Variants in KCNK10 observed in about 807,000 individuals in gnomAD.
KCNK10 encodes potassium two pore domain channel subfamily K member 10, also known as potassium channel subfamily K member 10.
KCNK10 carries 25 observed loss-of-function variants against 47.7 expected under a neutral mutation model. The observed-to-expected ratio is 0.52, with a 90% CI of 0.38 to 0.73. KCNK10 has a LOEUF of 0.73. Among genes scored for constraint, KCNK10 ranks in the 30% least tolerant of loss-of-function variants. KCNK10 has a pLI of 0.00. For synonymous variants in KCNK10, 303 were observed against 285.6 expected, an observed-to-expected ratio of 1.06 and a Z score of -0.61; for missense variants, 563 against 714.5, an observed-to-expected ratio of 0.79 and a Z score of 2.42.
intron 4 of KCNK10, among the ~76,000 whole-genome samples, chr14:88,217,627 T>C (rs952853970): frequency 6.6e-6 from 1 of 152,220 alleles, no homozygotes; most frequent in African/African-American, 2.4e-5. Context: ...TGATCCTAGC[T>C]TACTGCAGTG....
intron 4 of KCNK10, among the ~76,000 whole-genome samples, chr14:88,223,313 T>A (rs1165560523): frequency 1.3e-5 from 2 of 151,930 alleles, no homozygotes; most frequent in African/African-American, 2.4e-5. Context: ...AAAACCTTTT[T>A]TTTTTTTTTT....
At chr14:88,304,646 T>C (rs750954008) in intron 1 of KCNK10, among the ~76,000 whole-genome samples, 2 of 152,216 alleles carry the variant, frequency 1.3e-5, no homozygotes, top group Admixed American at 6.5e-5. Context: ...GCCATGTTTT[T>C]CACATTTTGT....
intron 1 of KCNK10, among the ~76,000 whole-genome samples, chr14:88,293,980 T>C (rs1887933532): frequency 6.6e-6 from 1 of 152,188 alleles, no homozygotes; most frequent in African/African-American, 2.4e-5. Context: ...TGCCTAGTCC[T>C]GCTTCCATTC....
intron 3 of KCNK10, among the ~76,000 whole-genome samples, chr14:88,228,733 C>T (rs1025650256): frequency 6.6e-6 from 1 of 152,176 alleles, no homozygotes; most frequent in Non-Finnish European, 1.5e-5. Flanking sequence ...GAATGAGTCA[C>T]CTGGATACTT....
In KCNK10 at chr14:88,260,342, C is replaced by T. The variant is rs1309808097; in HGVS notation, c.402+2860G>A. On this transcript the variant is annotated intron_variant, in intron 2 of 6. Transcript: ENST00000319231. This position sits in a 1 kb window ranked among gnomAD's most constrained non-coding sequence, Gnocchi z 4.5. ...ATGCCTGCCTCCCCTTCGTCTTCTG[C>T]CATGATTGTAAGTTTCCTGAAGCCT... is the stretch of plus-strand genomic sequence containing the variant. Among the ~76,000 whole-genome samples the T allele has an allele frequency of 2.0e-5, 3 of 152,200 alleles. No homozygotes were observed. The highest frequency in any genetic ancestry group is 4.4e-5 in the Non-Finnish European group (3 of 68,042).
At chr14:88,210,896 T>C (rs1485947428) in intron 4 of KCNK10, among the ~76,000 whole-genome samples, 2 of 150,444 alleles carry the variant, frequency 1.3e-5, no homozygotes, top group South Asian at 2.1e-4. Flanking sequence ...TCCCTGGGCA[T>C]TGTTGGTGGG....
chr14:88,301,770 A>G (rs1451621770), intron 1 of KCNK10, among the ~76,000 whole-genome samples: 1 of 152,122 alleles, frequency 6.6e-6, no homozygotes, highest in Non-Finnish European at 1.5e-5. Context: ...CCAGCCTTGG[A>G]AAGGAGGTCA....
In KCNK10 at chr14:88,267,569, A is replaced by G. The variant is rs1251935700; in HGVS notation, c.53-4018T>C. On this transcript the variant is annotated intron_variant, in intron 1 of 6. Coordinates refer to ENST00000319231, the MANE Select transcript of KCNK10 (RefSeq NM_138317.3). ...GTATTTTTAGTAGAGACGGGGTTTCACCATGCTGGCCAGGCTGATCTTGAG... is the reference window on the plus strand; with the variant it reads ...GTATTTTTAGTAGAGACGGGGTTTCGCCATGCTGGCCAGGCTGATCTTGAG... Among the ~76,000 whole-genome samples the G allele has an allele frequency of 2.0e-5, 3 of 152,004 alleles. No individual in the cohort carries two copies. The East Asian group carries it at 5.8e-4, about 30-fold the overall frequency.
At chr14:88,194,953 AGTGCTGTGGGC>A (rs1165107675) in intron 4 of KCNK10, among the ~76,000 whole-genome samples, 2 of 152,126 alleles carry the variant, frequency 1.3e-5, no homozygotes, top group Non-Finnish European at 2.9e-5. Context: ...TATAAAAAGA[AGTGCTGTGGGC>A]GTAAGGTTTT....
At chr14:88,198,712 GACCCAGGAACTGTTA>G (rs981264315) in intron 4 of KCNK10, among the ~76,000 whole-genome samples, 4 of 152,022 alleles carry the variant, frequency 2.6e-5, no homozygotes, top group Admixed American at 2.6e-4. Context: ...CTCTTATTCT[GACCCAGGAACTGTTA>G]ACCCAGCCCC....
At chr14:88,219,852 G>A (rs978000817) in intron 4 of KCNK10, among the ~76,000 whole-genome samples, 3 of 152,144 alleles carry the variant, frequency 2.0e-5, no homozygotes, top group Non-Finnish European at 2.9e-5. Flanking sequence ...GATGCCGATG[G>A]TCCAAGGGAT....
chr14:88,227,128 C>T (rs961060152), intron 4 of KCNK10, among the ~76,000 whole-genome samples: 1 of 152,186 alleles, frequency 6.6e-6, no homozygotes, highest in Admixed American at 6.5e-5. Context: ...TCTGTGTTGG[C>T]AAATCCATAC....
chr14:88,282,629 A>AC (rs1416967290), intron 1 of KCNK10, among the ~76,000 whole-genome samples: 1 of 151,958 alleles, frequency 6.6e-6, no homozygotes, highest in African/African-American at 2.4e-5. Context: ...AACTACATCT[A>AC]CCCCCATGGT....
At chr14:88,271,773 G>C (rs1227036563) in intron 1 of KCNK10, among the ~76,000 whole-genome samples, 1 of 151,994 alleles carries the variant, frequency 6.6e-6, no homozygotes, top group Non-Finnish European at 1.5e-5. Flanking sequence ...AAAGACTAAA[G>C]GGCTTTTCTT....
rs927019248 is a variant in KCNK10, at chr14:88,182,578, G to T, written c.*2957C>A. 1 of 152,236 alleles carries T rather than the reference G, an allele frequency of 6.6e-6. No individual in the cohort carries two copies. The highest frequency in any genetic ancestry group is 1.5e-5 in the Non-Finnish European group (1 of 68,032). 9.4% of individuals were successfully genotyped at this position (152,236 alleles called of 1,614,324 possible). ...AAACACTTTGCACACATATTTAATC[G>T]ATCAATCACCATAGAGGATCTTCTT... is the stretch of plus-strand genomic sequence containing the variant. On this transcript the variant is annotated 3_prime_UTR_variant, in exon 7 of 7. Transcript: ENST00000319231.
At chr14:88,270,009 C>T (rs1339134884) in intron 1 of KCNK10, among the ~76,000 whole-genome samples, 6 of 152,218 alleles carry the variant, frequency 3.9e-5, no homozygotes, top group East Asian at 3.9e-4. Context: ...CACACAGCAG[C>T]GTGACTCTGC....
intron 4 of KCNK10, among the ~76,000 whole-genome samples, chr14:88,212,109 AATATAT>A (rs34318518): frequency 0.049 from 6,488 of 133,404 alleles, 504 homozygotes; most frequent in East Asian, 0.3. Context: ...TGATAGTGAG[AATATAT>A]ATATATATAT....
chr14:88,264,826 T>C (rs1190700542), intron 1 of KCNK10, among the ~76,000 whole-genome samples: 2 of 152,250 alleles, frequency 1.3e-5, no homozygotes, highest in Non-Finnish European at 2.9e-5. Context: ...CTGGGCATTA[T>C]GTTCTTGCTA....
intron 4 of KCNK10, among the ~76,000 whole-genome samples, chr14:88,208,659 T>C (rs1885360263): frequency 6.6e-6 from 1 of 152,216 alleles, no homozygotes; most frequent in Non-Finnish European, 1.5e-5. Flanking sequence ...TCTGTTATAG[T>C]ACACAGCAAA....
Sources: gnomAD v4.1 joint callset for allele counts (sites outside exome capture counted in the v4.1 genomes callset) on GRCh38, gnomAD v4.1.1 for gene constraint, Gnocchi (gnomAD v3.1) non-coding constraint, MANE v1.5 for transcripts, NCBI Gene and HGNC (gene_info 2026-07-23, HGNC 2026-07-21) for gene names.